Variants in MACROD1 observed in about 807,000 individuals in gnomAD.
The protein encoded by MACROD1 is mono-ADP ribosylhydrolase 1, also known as ADP-ribose glycohydrolase MACROD1.
A neutral mutation model predicts 41.4 loss-of-function variants in MACROD1; 31 were observed. The ratio of observed to expected loss-of-function variants is 0.75; its 90% CI spans 0.56 to 1.01. The LOEUF is 1.01. Ranked by LOEUF, MACROD1 falls within the 50% of genes least tolerant of loss-of-function variation. The pLI, the probability that MACROD1 is intolerant of heterozygous loss-of-function variation, is 0.00. For missense variants in MACROD1, 473 were observed against 460.0 expected (o/e 1.03, Z -0.26); for synonymous variants, 252 against 203.4 (o/e 1.24, Z -2.03).
chr11:64,148,731 C>G, intron 3 of MACROD1: 1 of 985,728 alleles, frequency 1.0e-6, no homozygotes, highest in Non-Finnish European at 1.2e-6. Flanking sequence ...ATTTATGCAG[C>G]CCCGAAAAGC....
At chr11:64,116,171 C>A (rs1010361528) in intron 3 of MACROD1, 3 of 1,497,614 alleles carry the variant, frequency 2.0e-6, no homozygotes, top group South Asian at 1.3e-5. Flanking sequence ...CTCCTGGGGT[C>A]GCTGTCGCCG....
intron 3 of MACROD1, chr11:64,118,176 A>G (rs535165344): frequency 8.1e-6 from 13 of 1,613,520 alleles, no homozygotes; most frequent in Admixed American, 3.3e-5. Flanking sequence ...CGTGGTCCAC[A>G]CTATCTTCCC....
rs1945115230 is a variant in MACROD1 at position 64,122,517 on chromosome 11, G to T, written c.517+28722C>A. Among the ~76,000 whole-genome samples the T allele has an allele frequency of 1.3e-5, 2 of 152,232 alleles. No individual in the cohort carries two copies. Among genetic ancestry groups the T allele is most frequent in the Non-Finnish European group, 2.9e-5 (2 of 68,044 alleles). ...CACCGGGTCTCCTCCTTCCCCTGGG[G>T]ATCTGGGAAACCCTCCCTCTGAGCC... is the stretch of plus-strand genomic sequence containing the variant. On this transcript the variant is annotated intron_variant, in intron 3 of 10. Transcript: ENST00000255681. This position sits in a 1 kb window ranked among gnomAD's most constrained non-coding sequence, Gnocchi z 4.0.
In MACROD1 at chr11:64,078,361, G is replaced by A. The variant is rs79473372; in HGVS notation, c.518-63080C>T. Among the ~76,000 whole-genome samples the A allele has an allele frequency of 3.4e-3, 523 of 152,346 alleles. 1 individual carries two copies. The highest frequency in any genetic ancestry group is 0.011 in the African/African-American group (470 of 41,572). On this transcript the variant is annotated intron_variant, in intron 3 of 10. Coordinates refer to ENST00000255681, the MANE Select transcript of MACROD1 (RefSeq NM_014067.4). ...CCCTCCCAGTCCCTGGCCCGTCTGC[G>A]TTCAGCAGCTGCTCTCAGGGGGCTG...
intron 4 of MACROD1, among the ~76,000 whole-genome samples, chr11:64,010,811 T>C (rs1199716922): frequency 8.4e-5 from 12 of 142,470 alleles, no homozygotes; most frequent in Admixed American, 8.3e-4. Flanking sequence ...GGCATGTTGG[T>C]TGGGGTATTG....
intron 3 of MACROD1, among the ~76,000 whole-genome samples, chr11:64,068,177 C>T (rs1336542903): frequency 1.3e-5 from 2 of 152,236 alleles, no homozygotes; most frequent in African/African-American, 2.4e-5. Flanking sequence ...ACTCACGCTT[C>T]GGGAGTGTTG....
At chr11:64,083,280 CAAA>C (rs940855123) in intron 3 of MACROD1, among the ~76,000 whole-genome samples, 7 of 152,106 alleles carry the variant, frequency 4.6e-5, no homozygotes, top group African/African-American at 1.7e-4. Context: ...TACTAAAATA[CAAA>C]AAAACAGCTG....
chr11:64,159,813 A>G (rs545606402), intron 1 of MACROD1, among the ~76,000 whole-genome samples: 10 of 152,348 alleles, frequency 6.6e-5, no homozygotes, highest in African/African-American at 2.4e-4. Flanking sequence ...TTAAAAAAAC[A>G]AATAAATAAA....
At chr11:64,051,026 A>G (rs1322371884) in intron 3 of MACROD1, among the ~76,000 whole-genome samples, 2 of 152,232 alleles carry the variant, frequency 1.3e-5, no homozygotes, top group African/African-American at 4.8e-5. Context: ...CCAGGGGGAC[A>G]GCCTGGTAAA....
chr11:64,127,696 G>A (rs989922963), intron 3 of MACROD1, among the ~76,000 whole-genome samples: 1 of 152,238 alleles, frequency 6.6e-6, no homozygotes, highest in Non-Finnish European at 1.5e-5. Flanking sequence ...TCTACATGGA[G>A]AAGTATGTGT....
chr11:64,037,632 G>A (rs1024257319), intron 3 of MACROD1, among the ~76,000 whole-genome samples: 3 of 152,136 alleles, frequency 2.0e-5, no homozygotes, highest in Non-Finnish European at 4.4e-5. Flanking sequence ...CTGAAGGGTC[G>A]GCCATGGGCA....
intron 3 of MACROD1, chr11:64,118,147 A>T: frequency 1.2e-6 from 2 of 1,613,824 alleles, no homozygotes; most frequent in Non-Finnish European, 1.7e-6. Flanking sequence ...ATCAACCCGT[A>T]CCGCGCCAAA....
chr11:64,015,551 G>T (rs868050421), intron 3 of MACROD1, among the ~76,000 whole-genome samples: 17 of 152,138 alleles, frequency 1.1e-4, no homozygotes, highest in Non-Finnish European at 1.9e-4. Context: ...AGACGCATGG[G>T]GGGGTCCAGA....
intron 3 of MACROD1, among the ~76,000 whole-genome samples, chr11:64,114,305 T>C (rs546828816): frequency 1.6e-4 from 24 of 148,352 alleles, no homozygotes; most frequent in Admixed American, 1.3e-3. Flanking sequence ...CATGGATTGA[T>C]ACATGGATGA....
intron 1 of MACROD1, among the ~76,000 whole-genome samples, chr11:64,157,893 C>A (rs530896764): frequency 2.6e-5 from 4 of 152,126 alleles, no homozygotes; most frequent in Non-Finnish European, 5.9e-5. Flanking sequence ...CTGCGCTCAC[C>A]GGCCCGCAAG....
intron 3 of MACROD1, among the ~76,000 whole-genome samples, chr11:64,134,264 C>G (rs1019753519): frequency 1.3e-5 from 2 of 152,176 alleles, no homozygotes; most frequent in African/African-American, 2.4e-5. Context: ...CACAGTCATT[C>G]CACCCCACCC....
intron 3 of MACROD1, among the ~76,000 whole-genome samples, chr11:64,020,496 C>T (rs1943138749): frequency 6.6e-6 from 1 of 152,058 alleles, no homozygotes; most frequent in African/African-American, 2.4e-5. Context: ...ACCCCCAGGC[C>T]CCATCGACCA....
intron 3 of MACROD1, among the ~76,000 whole-genome samples, chr11:64,045,914 C>T (rs942365182): frequency 6.6e-6 from 1 of 152,142 alleles, no homozygotes; most frequent in South Asian, 2.1e-4. Flanking sequence ...TAGCGAGACC[C>T]CATCTCTTAA....
At chr11:64,049,796 A>G (rs953193327) in intron 3 of MACROD1, among the ~76,000 whole-genome samples, 1 of 152,190 alleles carries the variant, frequency 6.6e-6, no homozygotes, top group African/African-American at 2.4e-5. Flanking sequence ...GGGACCCACA[A>G]GTGAAGTCGT....
Sources: allele counts gnomAD v4.1 joint callset (sites outside exome capture counted in the v4.1 genomes callset), GRCh38; gene constraint gnomAD v4.1.1; non-coding constraint Gnocchi (gnomAD v3.1); transcripts MANE v1.5; gene names NCBI Gene and HGNC (gene_info 2026-07-23, HGNC 2026-07-21).